ILKAP: variants seen among roughly 807,000 people sequenced by gnomAD.
The protein encoded by ILKAP is integrin-linked kinase-associated serine/threonine phosphatase 2C.
In ILKAP, 11 loss-of-function variants were observed where a neutral mutation model predicts 49.1. The observed-to-expected ratio is 0.22, with a 90% CI of 0.14 to 0.37. The LOEUF is 0.37. ILKAP is among the 10% of genes least tolerant of loss of function. The pLI is 1.00. For synonymous variants in ILKAP, 186 were observed against 192.8 expected (o/e 0.96, Z 0.29); for missense variants, 363 against 510.8 (o/e 0.71, Z 2.79).
Position 238,183,720 on chromosome 2 carries a change from C to A in ILKAP, c.647G>T (p.Gly216Val). The A allele has an allele frequency of 6.2e-7, 1 of 1,612,502 alleles. No homozygotes were observed. Among genetic ancestry groups the A allele is most frequent in the South Asian group, 1.1e-5 (1 of 90,736 alleles). The change falls in exon 8 of 12, where the codon GGG becomes GTG. Residue 216 changes from glycine to valine, a missense_variant. Gly to Val is a moderately radical substitution (Grantham distance 109). Transcript: ENST00000254654. Reference sequence around the variant, plus strand: ...AGCCAGAACACACGTGGCAGTGGACCCATCTTTCCAGGCAGGCTTCCTGGG... The same window carrying A: ...AGCCAGAACACACGTGGCAGTGGACACATCTTTCCAGGCAGGCTTCCTGGG... ...ASSQKPAWKDGSTATCVLAVD... is the reference protein window; with the variant it reads ...ASSQKPAWKDVSTATCVLAVD...
intron 1 of ILKAP, 68 bp downstream of exon 1, chr2:238,203,431 G>T: frequency 1.2e-6 from 1 of 865,234 alleles, no homozygotes; most frequent in Non-Finnish European, 1.5e-6. Context: ...CAGCCGCCCC[G>T]GGCCTCAGGC....
intron 1 of ILKAP, among the ~76,000 whole-genome samples, chr2:238,202,887 GAA>G (rs397954562): frequency 3.4e-5 from 4 of 116,696 alleles, no homozygotes; most frequent in African/African-American, 1.3e-4. Context: ...CCGTGGACCA[GAA>G]AAAAAAAAAA....
At chr2:238,199,314 A>G (rs1257495426) in intron 1 of ILKAP, among the ~76,000 whole-genome samples, 1 of 152,216 alleles carries the variant, frequency 6.6e-6, no homozygotes, top group Non-Finnish European at 1.5e-5. Flanking sequence ...TCGTCAAAGG[A>G]TATTAGTTTA....
chr2:238,188,012 G>A, intron 5 of ILKAP, 119 bp downstream of exon 5: 2 of 1,147,212 alleles, frequency 1.7e-6, no homozygotes, highest in Admixed American at 2.1e-5. Context: ...GAGAATCACT[G>A]ATGTACAATC....
At chr2:238,199,821 G>T (rs1259588541) in intron 1 of ILKAP, among the ~76,000 whole-genome samples, 1 of 149,508 alleles carries the variant, frequency 6.7e-6, no homozygotes, top group Non-Finnish European at 1.5e-5. Context: ...ACGAAGTTGT[G>T]CCAGGCTCTT....
rs149221426 is a variant in ILKAP, at chr2:238,183,656, A to G, written c.711T>C (p.Ser237=). ...GGGTGGCTCCAGAGCCACATACCCG[A>G]CTATCTCCGAGGTTGGCAATATAAA... ...NILYIANLGD[S]RAILCRYNEE... is the part of the protein sequence containing the mutation. Residue 237 remains serine, a synonymous_variant, in exon 8 of 12, where the codon AGT becomes AGC. Transcript: ENST00000254654. 29 of 1,611,338 alleles carry G rather than the reference A, an allele frequency of 1.8e-5. No individual in the cohort carries two copies. The highest frequency in any genetic ancestry group is 2.2e-5 in the Non-Finnish European group (26 of 1,178,598).
intron 9 of ILKAP, among the ~76,000 whole-genome samples, chr2:238,180,599 C>T (rs1339573654): frequency 6.6e-6 from 1 of 152,242 alleles, no homozygotes; most frequent in African/African-American, 2.4e-5. Flanking sequence ...TGGCCTCAGG[C>T]AGGAGAACAG....
chr2:238,197,589 A>G (rs1694397473), intron 1 of ILKAP, among the ~76,000 whole-genome samples: 1 of 152,178 alleles, frequency 6.6e-6, no homozygotes, highest in South Asian at 2.1e-4. Flanking sequence ...AGTTCTTGTA[A>G]GCATTCCTCA....
In ILKAP at chr2:238,194,227, T is replaced by G. The variant is rs201287251; in HGVS notation, c.178+48A>C. The G allele has an allele frequency of 3.3e-5, 50 of 1,506,080 alleles. No individual in the cohort carries two copies. In the African/African-American group the frequency reaches 5.8e-4, roughly 17 times the overall value. The allele number at this position is 1,506,080 out of a possible 1,614,324, so 93.3% of individuals were successfully genotyped here. A position where few individuals can be genotyped will look rare whatever the true frequency, so the allele number is the denominator to read the frequency against. On this transcript the variant is annotated intron_variant, in intron 3 of 11. Coordinates refer to ENST00000254654, the MANE Select transcript of ILKAP (RefSeq NM_030768.3). ...ACATAAATTTCACATAAGAGTAAAA[T>G]ACTATGTATTATTTCCATCAGCACC...
chr2:238,174,284 AAG>A (rs1693351712), intron 9 of ILKAP, among the ~76,000 whole-genome samples: 1 of 152,158 alleles, frequency 6.6e-6, no homozygotes, highest in Non-Finnish European at 1.5e-5. Context: ...TACAAATGGG[AAG>A]AGACATCTAA....
intron 3 of ILKAP, among the ~76,000 whole-genome samples, chr2:238,193,991 T>A (rs1694249418): frequency 6.6e-6 from 1 of 152,236 alleles, no homozygotes; most frequent in African/African-American, 2.4e-5. Context: ...CTCTGAATTT[T>A]TAAAAAATGT....
intron 10 of ILKAP, 26 bp from the exon 11 acceptor site, chr2:238,171,050 CG>C (rs777848192): frequency 6.4e-7 from 1 of 1,571,500 alleles, no homozygotes; most frequent in African/African-American, 1.4e-5. Flanking sequence ...GAAATATAAA[CG>C]GGTTTTAGGC....
intron 9 of ILKAP, among the ~76,000 whole-genome samples, chr2:238,181,140 T>C (rs1461047847): frequency 3.3e-5 from 5 of 152,202 alleles, no homozygotes. Flanking sequence ...CCTGTACCAC[T>C]GACTAGATTC....
chr2:238,188,047 A>G, intron 5 of ILKAP, 84 bp downstream of exon 5: 1 of 1,457,136 alleles, frequency 6.9e-7, no homozygotes. Flanking sequence ...ATTTTCTAGT[A>G]AATACAAACT....
chr2:238,184,732 GT>G (rs35676364), intron 6 of ILKAP, among the ~76,000 whole-genome samples: 63 of 143,750 alleles, frequency 4.4e-4, no homozygotes, highest in South Asian at 2.0e-3. Context: ...AGTTAGGTTT[GT>G]TTTTTTTTTT....
At chr2:238,192,696 T>G (rs1209939514) in intron 3 of ILKAP, among the ~76,000 whole-genome samples, 1 of 96,032 alleles carries the variant, frequency 1.0e-5, no homozygotes, top group Non-Finnish European at 2.1e-5. Flanking sequence ...AGAGAGACAG[T>G]CTCAAAAAAG....
chr2:238,181,997 A>G, intron 9 of ILKAP, 68 bp downstream of exon 9: 1 of 1,569,438 alleles, frequency 6.4e-7, no homozygotes. Flanking sequence ...CTACTCCTTG[A>G]AGGTCTCGGG....
At chr2:238,175,763 T>C (rs1262822333) in intron 9 of ILKAP, among the ~76,000 whole-genome samples, 2 of 152,176 alleles carry the variant, frequency 1.3e-5, no homozygotes, top group South Asian at 4.1e-4. Context: ...GTCTGCTTTA[T>C]CCATTTCACC....
intron 3 of ILKAP, among the ~76,000 whole-genome samples, chr2:238,193,617 T>C (rs1328007427): frequency 6.6e-6 from 1 of 152,252 alleles, no homozygotes; most frequent in Non-Finnish European, 1.5e-5. Flanking sequence ...TTTTTTGGTA[T>C]GGGTCTACAG....
Sources: gnomAD v4.1 joint callset for allele counts (sites outside exome capture counted in the v4.1 genomes callset) on GRCh38, gnomAD v4.1.1 for gene constraint, MANE v1.5 for transcripts, NCBI Gene and HGNC (gene_info 2026-07-23, HGNC 2026-07-21) for gene names.